Variants in CEP128 observed in about 807,000 individuals in gnomAD.
The protein encoded by CEP128 is centrosomal protein 128.
In CEP128, 132 loss-of-function variants were observed where a neutral mutation model predicts 156.7. That is an observed-to-expected ratio of 0.84 (90% CI 0.73 to 0.97). CEP128 has a LOEUF of 0.97. Ranked by LOEUF, CEP128 falls within the 50% of genes least tolerant of loss-of-function variation. The pLI is 0.00. For missense variants in CEP128, 1,252 were observed against 1,281.9 expected (o/e 0.98, Z 0.36); for synonymous variants, 469 against 448.9 (o/e 1.04, Z -0.57).
At chr14:80,718,307 T>C (rs533327028) in intron 19 of CEP128, among the ~76,000 whole-genome samples, 5 of 152,198 alleles carry the variant, frequency 3.3e-5, no homozygotes, top group Non-Finnish European at 5.9e-5. Flanking sequence ...CATTTCATCT[T>C]TTCAGCAAAA....
chr14:80,810,537 A>G (rs1566642753), intron 13 of CEP128, among the ~76,000 whole-genome samples: 1 of 151,912 alleles, frequency 6.6e-6, no homozygotes, highest in African/African-American at 2.4e-5. Context: ...ATTTCCTTGT[A>G]TTTTGTTGAG....
At chr14:80,711,715 T>C (rs1897416041) in intron 19 of CEP128, among the ~76,000 whole-genome samples, 1 of 152,094 alleles carries the variant, frequency 6.6e-6, no homozygotes, top group Admixed American at 6.6e-5. Context: ...AGATTATAAT[T>C]GAATTATCTA....
intron 8 of CEP128, among the ~76,000 whole-genome samples, chr14:80,867,898 C>T (rs963431713): frequency 3.5e-4 from 53 of 152,252 alleles, no homozygotes; most frequent in Middle Eastern, 3.4e-3. Flanking sequence ...AGAGATCTTA[C>T]TGAAACGCAC....
chr14:80,579,298 C>T (rs1429074997), intron 20 of CEP128, among the ~76,000 whole-genome samples: 2 of 150,732 alleles, frequency 1.3e-5, no homozygotes, highest in Non-Finnish European at 2.9e-5. Context: ...ACTTGAGATT[C>T]TTCCTAGCCC....
At chr14:80,632,290 C>G (rs79738812) in intron 19 of CEP128, among the ~76,000 whole-genome samples, 1 of 151,162 alleles carries the variant, frequency 6.6e-6, no homozygotes. Context: ...TATATGTGTA[C>G]TTTGTTGACT....
intron 8 of CEP128, among the ~76,000 whole-genome samples, chr14:80,872,807 T>C (rs529695086): frequency 6.6e-6 from 1 of 152,186 alleles, no homozygotes; most frequent in Non-Finnish European, 1.5e-5. Flanking sequence ...AAAACATAAA[T>C]GTTGACTTCA....
intron 18 of CEP128, among the ~76,000 whole-genome samples, chr14:80,751,324 C>T (rs973350642): frequency 2.0e-5 from 3 of 151,984 alleles, no homozygotes; most frequent in African/African-American, 7.3e-5. Context: ...ATTAATCCTA[C>T]AAAATAAAAT....
At chr14:80,707,319 T>G (rs1897263457) in intron 19 of CEP128, among the ~76,000 whole-genome samples, 1 of 152,140 alleles carries the variant, frequency 6.6e-6, no homozygotes, top group African/African-American at 2.4e-5. Flanking sequence ...TGTAGTGTTG[T>G]TTTGTTCAGC....
chr14:80,738,731 T>C (rs1459718313), intron 19 of CEP128, among the ~76,000 whole-genome samples: 3 of 152,182 alleles, frequency 2.0e-5, no homozygotes, highest in Admixed American at 2.0e-4. Flanking sequence ...TTATTGTTTA[T>C]AATTTATAAA....
intron 21 of CEP128, among the ~76,000 whole-genome samples, chr14:80,541,128 G>A (rs562289663): frequency 7.9e-4 from 120 of 152,202 alleles, no homozygotes; most frequent in African/African-American, 2.8e-3. Flanking sequence ...ATGAACTTGG[G>A]CAAACAATTT....
intron 8 of CEP128, among the ~76,000 whole-genome samples, chr14:80,868,828 A>G (rs1887896077): frequency 6.6e-6 from 1 of 152,078 alleles, no homozygotes; most frequent in South Asian, 2.1e-4. Context: ...ACAAATGGAA[A>G]CTAGAAGAAA....
intron 13 of CEP128, among the ~76,000 whole-genome samples, chr14:80,799,411 ATG>A (rs1883696239): frequency 6.6e-6 from 1 of 152,184 alleles, no homozygotes; most frequent in Admixed American, 6.5e-5. Context: ...ATTGTAAAAT[ATG>A]TGTGTTTGAA....
intron 21 of CEP128, among the ~76,000 whole-genome samples, chr14:80,532,161 T>C (rs1301765777): frequency 6.6e-6 from 1 of 152,130 alleles, no homozygotes; most frequent in African/African-American, 2.4e-5. Flanking sequence ...GCTCATTTTG[T>C]GGAATGGGGA....
upstream of CEP128, among the ~76,000 whole-genome samples, chr14:80,946,549 G>A (rs528386879): frequency 5.3e-5 from 8 of 152,028 alleles, no homozygotes; most frequent in South Asian, 1.7e-3. Flanking sequence ...TGAACCATAC[G>A]AAACATTAAA....
chr14:80,783,867 C>G (rs1479714464), intron 15 of CEP128, among the ~76,000 whole-genome samples: 3 of 152,182 alleles, frequency 2.0e-5, no homozygotes, highest in East Asian at 3.9e-4. Flanking sequence ...TAGTAAGGGT[C>G]TTTTACCTAT....
intron 2 of CEP128, among the ~76,000 whole-genome samples, chr14:80,936,788 A>G (rs772803735): frequency 6.6e-6 from 1 of 152,182 alleles, no homozygotes; most frequent in Non-Finnish European, 1.5e-5. Flanking sequence ...GTTATTTGTT[A>G]TTTCACTAAA....
chr14:80,699,671 CCT>C (rs1897006699), intron 19 of CEP128, among the ~76,000 whole-genome samples: 1 of 128,444 alleles, frequency 7.8e-6, no homozygotes, highest in Non-Finnish European at 1.7e-5. Context: ...ACCTATTAAA[CCT>C]GAACAAACGT....
chr14:80,683,845 A>G (rs953652316), intron 19 of CEP128, among the ~76,000 whole-genome samples: 1 of 152,198 alleles, frequency 6.6e-6, no homozygotes, highest in African/African-American at 2.4e-5. Context: ...ACGAAAATGA[A>G]AAAACTTGCT....
chr14:80,893,990 A>G (rs541199704), intron 8 of CEP128, among the ~76,000 whole-genome samples: 1 of 152,130 alleles, frequency 6.6e-6, no homozygotes, highest in East Asian at 1.9e-4. Flanking sequence ...CTCCTAATTC[A>G]TACCACAAAT....
Sources: allele counts gnomAD v4.1 joint callset (sites outside exome capture counted in the v4.1 genomes callset), GRCh38; gene constraint gnomAD v4.1.1; transcripts MANE v1.5; gene names NCBI Gene and HGNC (gene_info 2026-07-23, HGNC 2026-07-21).